The following TSGA10 variants were observed in gnomAD, a reference collection of about 807,000 sequenced individuals.
TSGA10 encodes testis specific 10, also known as testis-specific gene 10 protein.
Under a neutral mutation model 96.6 loss-of-function variants are expected in TSGA10, and 43 were observed. The ratio of observed to expected loss-of-function variants is 0.44; its 90% CI spans 0.35 to 0.57. The LOEUF (loss-of-function observed/expected upper bound fraction) is 0.57, where lower values mean the gene tolerates loss of function less well. Ranked by LOEUF, TSGA10 falls within the 20% of genes least tolerant of loss-of-function variation. TSGA10 has a pLI of 0.01. For missense variants in TSGA10, 703 were observed against 834.4 expected (o/e 0.84, Z 1.94); for synonymous variants, 229 against 269.9 (o/e 0.85, Z 1.48).
chr2:99,111,831 T>C (rs1002381629), intron 4 of TSGA10, among the ~76,000 whole-genome samples: 1 of 152,130 alleles, frequency 6.6e-6, no homozygotes, highest in Non-Finnish European at 1.5e-5. Context: ...AGGTCTACTC[T>C]GAATGTGTTA....
intron 16 of TSGA10, among the ~76,000 whole-genome samples, chr2:99,061,495 T>C (rs1352759506): frequency 2.6e-5 from 4 of 152,204 alleles, no homozygotes; most frequent in East Asian, 1.9e-4. Context: ...TAGACTCTTT[T>C]AGTTATTTTT....
intron 1 of TSGA10, among the ~76,000 whole-genome samples, chr2:99,143,810 G>A (rs987941163): frequency 6.6e-6 from 1 of 151,990 alleles, no homozygotes; most frequent in African/African-American, 2.4e-5. Flanking sequence ...TTGCTCTCTC[G>A]TGACAGACAC....
chr2:99,084,818 T>C (rs919947357), intron 10 of TSGA10, among the ~76,000 whole-genome samples: 2 of 151,974 alleles, frequency 1.3e-5, no homozygotes, highest in Admixed American at 6.6e-5. Flanking sequence ...CCCAAGAGCA[T>C]TGTTTTACAC....
chr2:99,000,231 G>T (rs1175151777), intron 20 of TSGA10, among the ~76,000 whole-genome samples: 2 of 152,072 alleles, frequency 1.3e-5, no homozygotes, highest in Non-Finnish European at 2.9e-5. Flanking sequence ...AACTAGGCCA[G>T]GTGTGGTGGC....
intron 4 of TSGA10, among the ~76,000 whole-genome samples, chr2:99,112,911 C>T (rs992568976): frequency 6.8e-6 from 1 of 147,234 alleles, no homozygotes; most frequent in African/African-American, 2.5e-5. Context: ...ATGTCTTCCA[C>T]ACAGCGGGCT....
chr2:99,105,057 A>T (rs1164513098), intron 9 of TSGA10, among the ~76,000 whole-genome samples: 3 of 152,204 alleles, frequency 2.0e-5, no homozygotes, highest in African/African-American at 7.2e-5. Context: ...ATCTGGCAAT[A>T]TTATCTTTAA....
At chr2:99,007,984 G>C (rs1038328209) in intron 20 of TSGA10, among the ~76,000 whole-genome samples, 4 of 152,166 alleles carry the variant, frequency 2.6e-5, no homozygotes, top group African/African-American at 9.7e-5. Context: ...TTAAATCAAT[G>C]ATCTTGCAAC....
chr2:99,031,517 T>G (rs962576669), intron 17 of TSGA10, among the ~76,000 whole-genome samples: 8 of 151,932 alleles, frequency 5.3e-5, no homozygotes, highest in African/African-American at 1.9e-4. Flanking sequence ...TCATCAAAAT[T>G]GAAAACTTTT....
chr2:99,065,251 T>C (rs1211380612), intron 15 of TSGA10, 127 bp from the exon 16 acceptor site: 2 of 978,644 alleles, frequency 2.0e-6, no homozygotes, highest in South Asian at 1.9e-5. Flanking sequence ...TGAGGAAATA[T>C]ATCTATACTC....
Position 99,137,188 on chromosome 2 carries a change from G to C in TSGA10, c.-620-10012C>G, listed in dbSNP as rs544474727. Among the ~76,000 whole-genome samples the C allele has an allele frequency of 4.6e-5, 7 of 152,002 alleles. No homozygotes were observed. The East Asian group carries it at 1.4e-3, about 29-fold the overall frequency. Reference sequence around the variant, plus strand: ...AACTTTGTATTTTTAGTAGAGATGGGGTTTCACCATCTTGGCCAGGCTGGT... The same window carrying C: ...AACTTTGTATTTTTAGTAGAGATGGCGTTTCACCATCTTGGCCAGGCTGGT... On this transcript the variant is annotated intron_variant, in intron 1 of 20. Coordinates refer to ENST00000393483, the MANE Select transcript of TSGA10 (RefSeq NM_025244.4).
intron 1 of TSGA10, among the ~76,000 whole-genome samples, chr2:99,128,410 T>C (rs2105006075): frequency 6.6e-6 from 1 of 152,348 alleles, no homozygotes; most frequent in Middle Eastern, 3.4e-3. Flanking sequence ...TAAAAATGTA[T>C]TGCTAGTTAT....
intron 16 of TSGA10, among the ~76,000 whole-genome samples, chr2:99,037,817 TG>T (rs1399338137): frequency 2.0e-5 from 3 of 151,932 alleles, no homozygotes; most frequent in Admixed American, 6.6e-5. Flanking sequence ...GCCATTGCAC[TG>T]CCCCTGGTCA....
intron 16 of TSGA10, 141 bp downstream of exon 16, chr2:99,064,798 G>T: frequency 1.7e-6 from 1 of 602,534 alleles, no homozygotes; most frequent in Non-Finnish European, 2.6e-6. Flanking sequence ...CAAAGTATAA[G>T]GAGAATGGTT....
intron 10 of TSGA10, among the ~76,000 whole-genome samples, chr2:99,088,965 C>CT (rs1558977708): frequency 1.3e-5 from 2 of 152,154 alleles, no homozygotes; most frequent in African/African-American, 4.8e-5. Context: ...TGAACTTTTG[C>CT]TTCAAGAACT....
At chr2:99,004,061 A>T (rs2104809347) in intron 20 of TSGA10, among the ~76,000 whole-genome samples, 1 of 152,322 alleles carries the variant, frequency 6.6e-6, no homozygotes, top group Admixed American at 6.5e-5. Context: ...CAAGACTAAT[A>T]AAGAAGAAAA....
intron 10 of TSGA10, among the ~76,000 whole-genome samples, chr2:99,100,046 T>C (rs1366776936): frequency 1.3e-5 from 2 of 152,094 alleles, no homozygotes; most frequent in African/African-American, 2.4e-5. Flanking sequence ...TATAGAGAGA[T>C]ATACAATGCT....
chr2:99,098,094 C>T (rs1425465825), intron 10 of TSGA10, among the ~76,000 whole-genome samples: 1 of 151,304 alleles, frequency 6.6e-6, no homozygotes, highest in East Asian at 1.9e-4. Flanking sequence ...TTAGAATATA[C>T]CTAAAGAAGT....
intron 2 of TSGA10, chr2:99,125,477 C>T (rs1272165129): frequency 6.6e-6 from 1 of 152,182 alleles, no homozygotes; most frequent in Non-Finnish European, 1.5e-5. Context: ...CTTGCTGAAG[C>T]ATTTATATGA....
intron 4 of TSGA10, among the ~76,000 whole-genome samples, chr2:99,115,864 C>T (rs1049969887): frequency 2.0e-5 from 3 of 152,004 alleles, no homozygotes; most frequent in African/African-American, 4.8e-5. Flanking sequence ...GGGTGACAGA[C>T]GGAAACTCTG....
Sources: gnomAD v4.1 joint callset for allele counts (sites outside exome capture counted in the v4.1 genomes callset) on GRCh38, gnomAD v4.1.1 for gene constraint, MANE v1.5 for transcripts, NCBI Gene and HGNC (gene_info 2026-07-23, HGNC 2026-07-21) for gene names.